Variants in LRCH2 observed in about 807,000 individuals in gnomAD.
LRCH2 encodes leucine rich repeats and calponin homology domain containing 2, also known as leucine-rich repeat and calponin homology domain-containing protein 2.
A neutral mutation model predicts 68.9 loss-of-function variants in LRCH2; 38 were observed. That is an observed-to-expected ratio of 0.55 (90% CI 0.43 to 0.72). LRCH2 has a LOEUF of 0.72. Ranked by LOEUF, LRCH2 falls within the 30% of genes least tolerant of loss-of-function variation. LRCH2 has a pLI of 0.00. For synonymous variants in LRCH2, 191 were observed against 208.1 expected, an observed-to-expected ratio of 0.92 and a Z score of 0.71; for missense variants, 528 against 572.9, an observed-to-expected ratio of 0.92 and a Z score of 0.80.
intron 20 of LRCH2, among the ~76,000 whole-genome samples, chrX:115,119,802 G>C (rs1333705286): frequency 6.9e-5 from 7 of 101,348 alleles, no homozygotes; most frequent in Admixed American, 6.5e-4. Flanking sequence ...AAACAGCATG[G>C]TACTGGTACC....
chrX:115,118,957 A>G (rs1462311780), intron 20 of LRCH2, among the ~76,000 whole-genome samples: 4 of 112,016 alleles, frequency 3.6e-5, no homozygotes, highest in Middle Eastern at 4.6e-3. Context: ...GAACTTTGAC[A>G]AAATTCAACA....
At chrX:115,180,955 T>C (rs368006547) in intron 3 of LRCH2, among the ~76,000 whole-genome samples, 1 of 111,274 alleles carries the variant, frequency 9.0e-6, no homozygotes, top group Non-Finnish European at 1.9e-5. Context: ...AGGTGATAAG[T>C]GCTATTTAAA....
intron 1 of LRCH2, among the ~76,000 whole-genome samples, chrX:115,202,181 G>A: frequency 8.9e-6 from 1 of 111,807 alleles, no homozygotes; most frequent in Non-Finnish European, 1.9e-5. Context: ...CCAAAAAAGA[G>A]TCCAAATAGC....
chrX:115,189,808 T>C (rs1556556460), intron 1 of LRCH2: 1 of 1,167,053 alleles, frequency 8.6e-7, no homozygotes, highest in Non-Finnish European at 1.1e-6. Context: ...GCGACCCCCC[T>C]CTCAGGGCAG....
intron 1 of LRCH2, among the ~76,000 whole-genome samples, chrX:115,198,217 G>A (rs1556564564): frequency 1.8e-5 from 2 of 110,127 alleles, no homozygotes; most frequent in Admixed American, 1.9e-4. Context: ...AGATTAAAAG[G>A]CTTAGAAAGC....
chrX:115,184,530 G>C lies in LRCH2; in HGVS notation c.502C>G (p.Leu168Val). 1 of 1,156,678 alleles carries C rather than the reference G, an allele frequency of 8.6e-7. No individual in the cohort carries two copies. The highest frequency in any genetic ancestry group is 1.1e-6 in the Non-Finnish European group (1 of 870,164). ...AGGTATTTTGGCAATGTTGATAAAA[G>C]ATTTCGGCTGAAAAGAATGAGAAAG... ...MLTYLNISRN[L>V]LSTLPKYLFD... The change falls in exon 3 of 21, where the codon CTT (leucine) becomes GTT (valine). Residue 168 changes from leucine to valine, a missense_variant. By Grantham distance (32) the Leu-to-Val change is conservative. Transcript: ENST00000317135.
At position 115,119,127 on chromosome X, in the gene LRCH2, G is replaced by C. The variant is rs1386075789; in HGVS notation, c.2178+3400C>G. On this transcript the variant is annotated intron_variant, in intron 20 of 20. Coordinates refer to ENST00000317135, the MANE Select transcript of LRCH2 (RefSeq NM_020871.4). ...CTGGCACAAGACAGGGATGCCCTCT[G>C]TCACCACTCCTATTCAACATAGTGT... Among the ~76,000 whole-genome samples the C allele has an allele frequency of 8.1e-4, 89 of 110,397 alleles. 1 individual carries two copies. Among genetic ancestry groups the C allele is most frequent in the African/African-American group, 1.8e-3 (56 of 30,290 alleles).
chrX:115,145,263 G>A (rs1039537633), intron 14 of LRCH2, among the ~76,000 whole-genome samples: 2 of 111,308 alleles, frequency 1.8e-5, no homozygotes, highest in Middle Eastern at 4.2e-3. Flanking sequence ...ATGAAACTAG[G>A]CCCCTATCTC....
chrX:115,220,973 G>A (rs1387400177), intron 1 of LRCH2, among the ~76,000 whole-genome samples: 2 of 107,813 alleles, frequency 1.9e-5, no homozygotes, highest in Non-Finnish European at 3.8e-5. Flanking sequence ...GGATCACGAG[G>A]TCAGGAGATC....
At chrX:115,124,068 A>G in intron 16 of LRCH2, 66 bp from the exon 17 acceptor site, 1 of 642,139 alleles carries the variant, frequency 1.6e-6, no homozygotes, top group South Asian at 4.2e-5. Flanking sequence ...AAAATAATCA[A>G]GGTGCTTATT....
At chrX:115,189,713 G>A in intron 1 of LRCH2, 1 of 1,167,499 alleles carries the variant, frequency 8.6e-7, no homozygotes, top group East Asian at 3.2e-5. Flanking sequence ...GCATTCAAGA[G>A]CAGCCGATGG....
At chrX:115,166,127 C>A in intron 7 of LRCH2, 128 bp downstream of exon 7, 2 of 634,545 alleles carry the variant, frequency 3.2e-6, no homozygotes, top group Non-Finnish European at 4.8e-6. Context: ...CCCTTTTTTT[C>A]AGTTTTAGTC....
chrX:115,125,477 A>G (rs1393691819), intron 16 of LRCH2, among the ~76,000 whole-genome samples: 12 of 77 alleles, frequency 0.16, 1 homozygote, highest in African/African-American at 0.21. Flanking sequence ...ATATATATAT[A>G]TATATATATA....
At chrX:115,128,111 G>C (rs925467939) in intron 15 of LRCH2, among the ~76,000 whole-genome samples, 1 of 112,035 alleles carries the variant, frequency 8.9e-6, no homozygotes, top group Admixed American at 9.5e-5. Flanking sequence ...TGCCGGAGCA[G>C]AAACAGTAGA....
chrX:115,147,292 T>G (rs1041234591), intron 14 of LRCH2, among the ~76,000 whole-genome samples: 25 of 111,655 alleles, frequency 2.2e-4, no homozygotes, highest in Middle Eastern at 4.7e-3. Flanking sequence ...GTCATGAAAA[T>G]AGTGACAATT....
chrX:115,188,164 C>A, intron 2 of LRCH2, 62 bp downstream of exon 2: 2 of 823,251 alleles, frequency 2.4e-6, no homozygotes, highest in Non-Finnish European at 3.3e-6. Context: ...TATTCCTTTG[C>A]GACTAAAAAA....
At chrX:115,189,272 ATAGACG>A (rs2072759303) in intron 1 of LRCH2, among the ~76,000 whole-genome samples, 1 of 112,397 alleles carries the variant, frequency 8.9e-6, no homozygotes, top group South Asian at 3.7e-4. Context: ...TACCTGTATC[ATAGACG>A]TTGGTGTTCC....
chrX:115,145,676 G>A (rs1160715990), intron 14 of LRCH2, among the ~76,000 whole-genome samples: 2 of 111,683 alleles, frequency 1.8e-5, no homozygotes, highest in Non-Finnish European at 3.8e-5. Context: ...TGGCAAACTG[G>A]CATACGAAAA....
intron 5 of LRCH2, among the ~76,000 whole-genome samples, chrX:115,177,767 A>G (rs782741694): frequency 9.1e-6 from 1 of 110,120 alleles, no homozygotes; most frequent in South Asian, 4.0e-4. Context: ...TGTATTAGGT[A>G]TTTGTCCCAA....
Sources: allele counts gnomAD v4.1 joint callset (sites outside exome capture counted in the v4.1 genomes callset), GRCh38; gene constraint gnomAD v4.1.1; transcripts MANE v1.5; gene names NCBI Gene and HGNC (gene_info 2026-07-23, HGNC 2026-07-21).